EPHX3: variants seen among roughly 807,000 people sequenced by gnomAD.
EPHX3 encodes the protein epoxide hydrolase 3.
Under a neutral mutation model 40.2 loss-of-function variants are expected in EPHX3, and 39 were observed. The ratio of observed to expected loss-of-function variants is 0.97; its 90% confidence interval spans 0.75 to 1.27. The LOEUF (loss-of-function observed/expected upper bound fraction) is 1.27. EPHX3 is among the 50% of genes most tolerant of loss of function. EPHX3 has a pLI of 0.00. For missense variants in EPHX3, 442 were observed against 474.0 expected, an observed-to-expected ratio of 0.93 and a Z score of 0.63; for synonymous variants, 213 against 209.7, an observed-to-expected ratio of 1.02 and a Z score of -0.14.
At chr19:15,230,917 C>T (rs1273940564) in intron 4 of EPHX3, 45 bp downstream of exon 4, 2 of 1,605,392 alleles carry the variant, frequency 1.2e-6, no homozygotes, top group Admixed American at 1.7e-5. Context: ...GTCCCTGCCC[C>T]CTTGCACATA....
upstream of EPHX3, among the ~76,000 whole-genome samples, chr19:15,234,361 T>C (rs1358043167): frequency 6.6e-6 from 1 of 152,096 alleles, no homozygotes; most frequent in East Asian, 1.9e-4. Context: ...AGCTTTTTCT[T>C]TTTTTTTCAG....
At position 15,227,141 on chromosome 19, in the gene EPHX3, G is replaced by A. The variant is rs2047117641; in HGVS notation, c.*296C>T. The A allele has an allele frequency of 2.4e-6, 1 of 425,076 alleles. No homozygotes were observed. Among genetic ancestry groups the A allele is most frequent in the South Asian group, 2.7e-5 (1 of 36,884 alleles). 26.3% of individuals were successfully genotyped at this position (425,076 alleles called of 1,614,324 possible). A position where few individuals can be genotyped will look rare whatever the true frequency, so the allele number is the denominator to read the frequency against. On this transcript the variant is annotated 3_prime_UTR_variant, in exon 7 of 7. Transcript: ENST00000221730. ...GCAGAGTGAGGCCCCAGGAAGGGAG[G>A]AGGTGGGACACTCGGTCTCGGCATC...
intron 4 of EPHX3, among the ~76,000 whole-genome samples, chr19:15,229,882 T>A (rs2047140579): frequency 1.5e-4 from 1 of 6,654 alleles, no homozygotes; most frequent in African/African-American, 1.1e-3. Context: ...CAAGACTCTG[T>A]CTCAAAAAAA....
rs1260707422 is a variant in EPHX3, at chr19:15,231,260, T to G, written c.466A>C (p.Lys156Gln). Reference sequence around the variant, plus strand: ...GCACCCAGGCCTAGGATGACATCTTTGATGTCCACCAGCAGCAGGTCGATT... The same window carrying G: ...GCACCCAGGCCTAGGATGACATCTTGGATGTCCACCAGCAGCAGGTCGATT... ...YTIDLLLVDI[K>Q]DVILGLGYSK... The change falls in exon 3 of 7, where the codon AAA becomes CAA. Residue 156 changes from lysine (K) to glutamine (Q), a missense_variant. Transcript: ENST00000221730. 3 of 1,613,848 alleles carry G rather than the reference T, an allele frequency of 1.9e-6. No homozygotes were observed. Among genetic ancestry groups the G allele is most frequent in the Non-Finnish European group, 2.5e-6 (3 of 1,179,982 alleles).
chr19:15,233,335 C>A (rs1176676391), upstream of EPHX3: 3 of 152,514 alleles, frequency 2.0e-5, no homozygotes, highest in Non-Finnish European at 2.9e-5. Flanking sequence ...CGACGGCCGC[C>A]GCCTGGTGCT....
intron 4 of EPHX3, among the ~76,000 whole-genome samples, chr19:15,230,186 T>A (rs1175962380): frequency 6.6e-6 from 1 of 152,092 alleles, no homozygotes; most frequent in Non-Finnish European, 1.5e-5. Flanking sequence ...ATTTTATTTT[T>A]GAGACAGAGT....
intron 4 of EPHX3, among the ~76,000 whole-genome samples, chr19:15,229,061 C>T (rs1294914867): frequency 3.9e-5 from 6 of 152,126 alleles, no homozygotes; most frequent in Non-Finnish European, 8.8e-5. Flanking sequence ...AGGGAGCTGA[C>T]AGTCTAGATG....
At position 15,227,852 on chromosome 19, in the gene EPHX3, C is replaced by T. The variant is rs1361930989; in HGVS notation, c.776G>A (p.Ser259Asn). 1.9e-6 allele frequency: 3 copies of T among 1,614,060 alleles called. No individual in the cohort carries two copies. Among genetic ancestry groups the T allele is most frequent in the East Asian group, 2.2e-5 (1 of 44,874 alleles). Residue 259 changes from serine (S) to asparagine (N), a missense_variant, in exon 6 of 7, where the codon AGC becomes AAC. Ser to Asn is a conservative substitution (Grantham distance 46). Coordinates refer to ENST00000221730, the MANE Select transcript of EPHX3 (RefSeq NM_024794.3). Reference sequence around the variant, plus strand: ...GTTATAAAGGAAGGCCTCGAGCTCGCTGGGGGTCAAGCATGGGATGCCTGT... The same window carrying T: ...GTTATAAAGGAAGGCCTCGAGCTCGTTGGGGGTCAAGCATGGGATGCCTGT... ...RKTGIPCLTP[S>N]ELEAFLYNFS...
In EPHX3 at chr19:15,231,015, G is replaced by A. The variant is rs151279501; in HGVS notation, c.563C>T (p.Ser188Phe). ...LAWHFSIYYP[S>F]LVERMVVVSG... ...GACCACAACCATCCGCTCGACCAGGGATGGGTAGTAGATGGAGAAATGCCA... is the reference window on the plus strand; with the variant it reads ...GACCACAACCATCCGCTCGACCAGGAATGGGTAGTAGATGGAGAAATGCCA... The change falls in exon 4 of 7, where the codon TCC becomes TTC. Residue 188 changes from serine (S) to phenylalanine (F), a missense_variant. Ser to Phe is a radical substitution (Grantham distance 155). Transcript: ENST00000221730. 20 of 1,614,010 alleles carry A rather than the reference G, an allele frequency of 1.2e-5. No homozygotes were observed. The African/African-American group carries it at 2.0e-4, about 16-fold the overall frequency.
At chr19:15,235,059 T>C (rs1019026445), upstream of EPHX3, among the ~76,000 whole-genome samples, 4 of 152,132 alleles carry the variant, frequency 2.6e-5, no homozygotes, top group Non-Finnish European at 5.9e-5. Context: ...TGGAATGCAG[T>C]GGTGTGATCT....
In EPHX3 at chr19:15,228,089, G is replaced by T; in HGVS notation, c.628C>A (p.His210Asn). 1 of 1,478,780 alleles carries T rather than the reference G, an allele frequency of 6.8e-7. No homozygotes were observed. Among genetic ancestry groups the T allele is most frequent in the Non-Finnish European group, 9.4e-7 (1 of 1,067,582 alleles). 91.6% of individuals were successfully genotyped at this position (1,478,780 alleles called of 1,614,324 possible). A position where few individuals can be genotyped will look rare whatever the true frequency, so the allele number is the denominator to read the frequency against. Reference sequence around the variant, plus strand: ...GAACGGAAGAACTGGCTGATGTGGTGCAGGGAATAGTCTGGGGTGGGAGGG... The same window carrying T: ...GAACGGAAGAACTGGCTGATGTGGTTCAGGGAATAGTCTGGGGTGGGAGGG... The part of the protein sequence containing the change: ...PMSVYQDYSL[H>N]HISQFFRSHY... The change falls in exon 5 of 7, where the codon CAC (histidine) becomes AAC (asparagine). Residue 210 changes from histidine (H) to asparagine (N), a missense_variant. Coordinates refer to ENST00000221730, the MANE Select transcript of EPHX3 (RefSeq NM_024794.3).
At chr19:15,227,707 T>A in intron 6 of EPHX3, 45 bp from the exon 7 acceptor site, 2 of 1,610,444 alleles carry the variant, frequency 1.2e-6, no homozygotes, top group Non-Finnish European at 1.7e-6. Flanking sequence ...GGCAGAAGGA[T>A]GGTTGCCTCC....
chr19:15,228,598 G>A (rs1342120856), intron 4 of EPHX3, among the ~76,000 whole-genome samples: 2 of 130,682 alleles, frequency 1.5e-5, no homozygotes, highest in East Asian at 5.0e-4. Flanking sequence ...GGCTCACTGC[G>A]AGCTCCGCCT....
intron 4 of EPHX3, among the ~76,000 whole-genome samples, chr19:15,228,332 C>T (rs1303391461): frequency 6.6e-6 from 1 of 152,030 alleles, no homozygotes; most frequent in Non-Finnish European, 1.5e-5. Context: ...ACCCCCATAT[C>T]CAAAGGTGTG....
At position 15,231,873 on chromosome 19, in the gene EPHX3, G is replaced by T; in HGVS notation, c.244-12C>A. On this transcript the variant is annotated splice_polypyrimidine_tract_variant and intron_variant, in intron 1 of 6. Transcript: ENST00000221730. ...CGCAGGCCCGAGCTCTAGGGGGAGG[G>T]CACAGCCTGAAGCCTGGGGAACCCT... The T allele has an allele frequency of 6.2e-7, 1 of 1,613,580 alleles. No individual in the cohort carries two copies. The highest frequency in any genetic ancestry group is 1.1e-5 in the South Asian group (1 of 91,078).
At chr19:15,229,471 A>G (rs1162487103) in intron 4 of EPHX3, among the ~76,000 whole-genome samples, 1 of 151,950 alleles carries the variant, frequency 6.6e-6, no homozygotes, top group African/African-American at 2.4e-5. Context: ...TCATGGTGGC[A>G]CACATCTGTA....
upstream of EPHX3, chr19:15,233,463 C>T (rs1311731247): frequency 6.6e-6 from 1 of 152,454 alleles, no homozygotes; most frequent in Non-Finnish European, 1.5e-5. Context: ...GCGCCGTCCT[C>T]CTGCTGGCCC....
At chr19:15,231,176 A>C in intron 3 of EPHX3, 63 bp downstream of exon 3, 2 of 1,612,232 alleles carry the variant, frequency 1.2e-6, no homozygotes. Flanking sequence ...GCAAGGAGAA[A>C]GCGGGGGTAT....
In EPHX3 at chr19:15,227,281, AG is replaced by A; in HGVS notation, c.*155del. On this transcript the variant is annotated 3_prime_UTR_variant, in exon 7 of 7. Transcript: ENST00000221730. ...GGTTGGTGTGTCCCGAGGCACCCAT[AG>A]GTGCGCTTGTGTGGGATCCAGGAGT... 1.6e-6 allele frequency: 1 copy of A among 644,504 alleles called. No individual in the cohort carries two copies. The highest frequency in any genetic ancestry group is 2.7e-6 in the Non-Finnish European group (1 of 364,412). The allele number at this position is 644,504 out of a possible 1,614,324, so 39.9% of individuals were successfully genotyped here. A position where few individuals can be genotyped will look rare whatever the true frequency, so the allele number is the denominator to read the frequency against.
Sources: gnomAD v4.1 joint callset for allele counts (sites outside exome capture counted in the v4.1 genomes callset) on GRCh38, gnomAD v4.1.1 for gene constraint, MANE v1.5 for transcripts, NCBI Gene and HGNC (gene_info 2026-07-23, HGNC 2026-07-21) for gene names.